ZFP64: variants seen among roughly 807,000 people sequenced by gnomAD.
The protein encoded by ZFP64 is zinc finger protein 64.
A neutral mutation model predicts 51.6 loss-of-function variants in ZFP64; 14 were observed. That is an observed-to-expected ratio of 0.27 (90% CI 0.18 to 0.42). The LOEUF (loss-of-function observed/expected upper bound fraction) is 0.42, where lower values mean the gene tolerates loss of function less well. Among genes scored for constraint, ZFP64 ranks in the 10% least tolerant of loss-of-function variants. The pLI, the probability that ZFP64 is intolerant of heterozygous loss-of-function variation, is 1.00. For synonymous variants in ZFP64, 375 were observed against 361.4 expected, an observed-to-expected ratio of 1.04 and a Z score of -0.43; for missense variants, 754 against 906.8, an observed-to-expected ratio of 0.83 and a Z score of 2.16.
At chr20:52,145,387 T>C (rs544700415) in intron 5 of ZFP64, among the ~76,000 whole-genome samples, 1 of 152,326 alleles carries the variant, frequency 6.6e-6, no homozygotes, top group African/African-American at 2.4e-5. Context: ...GCGTGGTGGC[T>C]CATGCCTGTA....
At chr20:52,107,074 G>A (rs555809374) in intron 5 of ZFP64, among the ~76,000 whole-genome samples, 92 of 151,850 alleles carry the variant, frequency 6.1e-4, no homozygotes, top group Non-Finnish European at 8.7e-4. Context: ...GCGACAGAGT[G>A]AGACTCCATC....
intron 2 of ZFP64, among the ~76,000 whole-genome samples, chr20:52,185,643 C>T (rs550595951): frequency 1.4e-4 from 20 of 147,046 alleles, no homozygotes; most frequent in Non-Finnish European, 2.1e-4. Context: ...TGCGATGGCA[C>T]GATCTCGGCT....
At chr20:52,175,988 C>G in intron 2 of ZFP64, 1 of 985,560 alleles carries the variant, frequency 1.0e-6, no homozygotes, top group Non-Finnish European at 1.2e-6. Context: ...ATGTCCCTCC[C>G]CAGGGGTGAG....
chr20:52,155,342 A>C lies in ZFP64; in HGVS notation c.764-1914T>G, dbSNP rs149350186. Among the ~76,000 whole-genome samples the C allele has an allele frequency of 6.5e-3, 990 of 152,322 alleles. 16 individuals are homozygous for C. Among genetic ancestry groups the C allele is most frequent in the African/African-American group, 0.022 (926 of 41,562 alleles). On this transcript the variant is annotated intron_variant, in intron 5 of 5. Coordinates refer to ENST00000216923, the MANE Select transcript of ZFP64 (RefSeq NM_018197.3). ...GACGTGTCAAATTTTAATACAGGCT[A>C]GTGAAAATGAAGACGTCTTTGTTTT...
chr20:52,085,929 A>C lies in ZFP64; in HGVS notation c.1229-663T>G, dbSNP rs185704165. ...TGCTTTAAACGTCAGTTGAATATAC[A>C]CAAAGATAAGCATCTTATCCTACAC... On this transcript the variant is annotated intron_variant, in intron 8 of 8. Transcript: ENST00000361387. This position sits in a 1 kb window ranked among gnomAD's most constrained non-coding sequence, Gnocchi z 4.3. Among the ~76,000 whole-genome samples the C allele has an allele frequency of 4.6e-5, 7 of 152,268 alleles. No individual in the cohort carries two copies. Among genetic ancestry groups the C allele is most frequent in the Admixed American group, 2.0e-4 (3 of 15,298 alleles).
chr20:52,134,977 C>A (rs1206952574), intron 5 of ZFP64, among the ~76,000 whole-genome samples: 1 of 152,168 alleles, frequency 6.6e-6, no homozygotes. Context: ...ATCCTCCCAC[C>A]TCAGCCTCCC....
chr20:52,128,426 C>T (rs2122872689), intron 5 of ZFP64, among the ~76,000 whole-genome samples: 1 of 152,252 alleles, frequency 6.6e-6, no homozygotes, highest in Middle Eastern at 3.4e-3. Flanking sequence ...GGAGAAAGGA[C>T]AGAATTTGAG....
At position 52,104,843 on chromosome 20, in the gene ZFP64, G is replaced by A. The variant is rs113968779; in HGVS notation, c.764-6256C>T. 35 of 646,256 alleles carry A rather than the reference G, an allele frequency of 5.4e-5. 1 individual carries two copies. The highest frequency in any genetic ancestry group is 2.7e-4 in the African/African-American group (15 of 55,748). 40.0% of individuals were successfully genotyped at this position (646,256 alleles called of 1,614,324 possible). On this transcript the variant is annotated intron_variant, in intron 5 of 8. Coordinates refer to the ZFP64 transcript ENST00000361387. The stretch of plus-strand genomic sequence containing the variant: ...CGCGCATCCCGAAAACAGCCTCTGA[G>A]GGGTCCTCTGAGCATCCTTCCAGCG...
chr20:52,155,164 A>C (rs1981204528), intron 5 of ZFP64, among the ~76,000 whole-genome samples: 1 of 152,246 alleles, frequency 6.6e-6, no homozygotes, highest in African/African-American at 2.4e-5. Context: ...ACCTAGCGGC[A>C]GCTCTAGTAA....
chr20:52,155,096 C>A (rs1555328), intron 5 of ZFP64, among the ~76,000 whole-genome samples: 51,680 of 151,972 alleles, frequency 0.34, 9,555 homozygotes, highest in Non-Finnish European at 0.4. Flanking sequence ...ATAGTTATTA[C>A]AGAGAAAAAA....
chr20:52,183,985 G>T (rs1228618470), intron 2 of ZFP64, among the ~76,000 whole-genome samples: 1 of 152,130 alleles, frequency 6.6e-6, no homozygotes, highest in Non-Finnish European at 1.5e-5. Flanking sequence ...AAAGTAGCAC[G>T]GACTATAGGC....
chr20:52,135,334 G>C (rs1979916445), intron 5 of ZFP64, among the ~76,000 whole-genome samples: 1 of 152,118 alleles, frequency 6.6e-6, no homozygotes, highest in Non-Finnish European at 1.5e-5. Context: ...TACCCCAGTG[G>C]GGCTGAATAG....
At chr20:52,099,666 G>A (rs548775434) in intron 5 of ZFP64, among the ~76,000 whole-genome samples, 2 of 152,292 alleles carry the variant, frequency 1.3e-5, no homozygotes, top group South Asian at 2.1e-4. Flanking sequence ...GATGAATGTT[G>A]AAACATTTAC....
At chr20:52,101,157 G>A (rs985466280) in intron 5 of ZFP64, among the ~76,000 whole-genome samples, 1 of 152,200 alleles carries the variant, frequency 6.6e-6, no homozygotes, top group Non-Finnish European at 1.5e-5. Flanking sequence ...AGGAAACGAT[G>A]CAGCCCCAAA....
At chr20:52,094,501 CTG>C (rs562848751) in intron 7 of ZFP64, among the ~76,000 whole-genome samples, 266 of 152,320 alleles carry the variant, frequency 1.7e-3, no homozygotes, top group African/African-American at 5.9e-3. Flanking sequence ...TGGCTCACGC[CTG>C]TAATCCCAGC....
intron 5 of ZFP64, among the ~76,000 whole-genome samples, chr20:52,128,938 G>A (rs111887926): frequency 0.079 from 12,070 of 151,920 alleles, 650 homozygotes; most frequent in African/African-American, 0.14. Context: ...TTCTGAGACG[G>A]AGTCTCATTC....
intron 5 of ZFP64, among the ~76,000 whole-genome samples, chr20:52,135,430 A>C (rs1405220632): frequency 6.6e-6 from 1 of 152,184 alleles, no homozygotes; most frequent in Non-Finnish European, 1.5e-5. Context: ...TTCCTGCTCT[A>C]TGGCAAAAGG....
At chr20:52,096,993 AAT>A in intron 7 of ZFP64, 2 of 551,988 alleles carry the variant, frequency 3.6e-6, no homozygotes, top group Non-Finnish European at 3.6e-6. Context: ...GCAATAGGTA[AAT>A]GAAGGAGCAT....
chr20:52,102,565 A>G (rs1418648132), intron 5 of ZFP64, among the ~76,000 whole-genome samples: 2 of 152,204 alleles, frequency 1.3e-5, no homozygotes, highest in Admixed American at 6.5e-5. Flanking sequence ...ATTACATAGC[A>G]ACTCACATAC....
Sources: gnomAD v4.1 joint callset for allele counts (sites outside exome capture counted in the v4.1 genomes callset) on GRCh38, gnomAD v4.1.1 for gene constraint, Gnocchi (gnomAD v3.1) non-coding constraint, MANE v1.5 for transcripts, NCBI Gene and HGNC (gene_info 2026-07-23, HGNC 2026-07-21) for gene names.